Variants in PXYLP1 observed in about 807,000 individuals in gnomAD.
PXYLP1 encodes the protein 2-phosphoxylose phosphatase 1.
Under a neutral mutation model 37.9 loss-of-function variants are expected in PXYLP1, and 17 were observed. The ratio of observed to expected loss-of-function variants is 0.45; its 90% confidence interval spans 0.31 to 0.67. PXYLP1 has a LOEUF of 0.67. PXYLP1 is among the 30% of genes least tolerant of loss of function. The pLI, the probability that PXYLP1 is intolerant of heterozygous loss-of-function variation, is 0.07. For synonymous variants in PXYLP1, 221 were observed against 232.2 expected (o/e 0.95, Z 0.44); for missense variants, 511 against 612.0 (o/e 0.84, Z 1.74).
intron 1 of PXYLP1, among the ~76,000 whole-genome samples, chr3:141,243,047 A>G (rs1158617708): frequency 6.6e-6 from 1 of 152,214 alleles, no homozygotes; most frequent in Non-Finnish European, 1.5e-5. Flanking sequence ...GTGGTGGAGT[A>G]AAAGGCCTGG....
intron 2 of PXYLP1, among the ~76,000 whole-genome samples, chr3:141,264,590 C>A (rs1005800141): frequency 6.6e-6 from 1 of 152,182 alleles, no homozygotes; most frequent in Non-Finnish European, 1.5e-5. Flanking sequence ...CCAGGGAGCT[C>A]TTTGTCCAGT....
intron 5 of PXYLP1, among the ~76,000 whole-genome samples, chr3:141,289,925 T>C (rs1313968743): frequency 6.6e-6 from 1 of 152,182 alleles, no homozygotes; most frequent in Admixed American, 6.5e-5. Context: ...ATTCAGATCT[T>C]TCTTCTCAAT....
At chr3:141,280,777 TCTC>T (rs1230544267) in intron 4 of PXYLP1, among the ~76,000 whole-genome samples, 1 of 152,160 alleles carries the variant, frequency 6.6e-6, no homozygotes, top group Non-Finnish European at 1.5e-5. Flanking sequence ...AATGTTGTGA[TCTC>T]CTAAAAGGTG....
At chr3:141,284,347 C>T (rs1942023518) in intron 4 of PXYLP1, among the ~76,000 whole-genome samples, 1 of 151,540 alleles carries the variant, frequency 6.6e-6, no homozygotes, top group South Asian at 2.1e-4. Flanking sequence ...GTGAACCGGG[C>T]ATACACATGA....
At chr3:141,258,127 A>G (rs2148744548) in intron 1 of PXYLP1, among the ~76,000 whole-genome samples, 1 of 152,276 alleles carries the variant, frequency 6.6e-6, no homozygotes, top group South Asian at 2.1e-4. Context: ...ACGCAGGGCA[A>G]CCAGCAGGCA....
intron 2 of PXYLP1, among the ~76,000 whole-genome samples, chr3:141,268,056 A>G (rs1027995619): frequency 6.6e-6 from 1 of 152,198 alleles, no homozygotes; most frequent in Non-Finnish European, 1.5e-5. Context: ...AACGTGTACA[A>G]CAGTAAATAC....
intron 4 of PXYLP1, among the ~76,000 whole-genome samples, chr3:141,283,691 G>A (rs1942006802): frequency 1.3e-5 from 2 of 151,964 alleles, no homozygotes; most frequent in African/African-American, 4.8e-5. Context: ...AAAATCTAAT[G>A]TGATTCCAGT....
intron 1 of PXYLP1, among the ~76,000 whole-genome samples, chr3:141,242,374 A>G (rs574630346): frequency 6.6e-6 from 1 of 152,318 alleles, no homozygotes; most frequent in South Asian, 2.1e-4. Context: ...ATAAGGCAGG[A>G]CACCCTGGCC....
chr3:141,263,296 C>T (rs1941435027), intron 2 of PXYLP1, among the ~76,000 whole-genome samples: 1 of 152,174 alleles, frequency 6.6e-6, no homozygotes, highest in Non-Finnish European at 1.5e-5. Flanking sequence ...CACAGTTTCT[C>T]AAAATATGTT....
chr3:141,233,434 C>A (rs185829951), intron 1 of PXYLP1, among the ~76,000 whole-genome samples: 167 of 142,740 alleles, frequency 1.2e-3, no homozygotes, highest in Non-Finnish European at 2.0e-3. Context: ...CATTGCACTC[C>A]AGCTTGGGCA....
intron 1 of PXYLP1, among the ~76,000 whole-genome samples, chr3:141,254,246 T>C (rs1941208751): frequency 6.6e-6 from 1 of 152,194 alleles, no homozygotes; most frequent in Non-Finnish European, 1.5e-5. Flanking sequence ...TCCTAGGTCT[T>C]GTATCGTTTC....
At chr3:141,252,524 T>C (rs924680518) in intron 1 of PXYLP1, among the ~76,000 whole-genome samples, 4 of 151,918 alleles carry the variant, frequency 2.6e-5, no homozygotes, top group African/African-American at 9.7e-5. Flanking sequence ...TATAACCAGC[T>C]CTCACGTCAA....
chr3:141,294,248 G>A lies in PXYLP1; in HGVS notation c.*1043G>A, dbSNP rs16851325. 6.6e-6 allele frequency: 1 copy of A among 152,080 alleles called. No individual in the cohort carries two copies. Among genetic ancestry groups the A allele is most frequent in the Non-Finnish European group, 1.5e-5 (1 of 68,030 alleles). 9.4% of individuals were successfully genotyped at this position (152,080 alleles called of 1,614,324 possible). ...AATATTCAATTTGCTGTACCTGCTT[G>A]GTGGTTAGAAGGAGGCTAGAAGATG... is the stretch of plus-strand genomic sequence containing the variant. On this transcript the variant is annotated 3_prime_UTR_variant, in exon 6 of 6. Transcript: ENST00000286353.
chr3:141,235,714 G>A (rs1046995280), intron 1 of PXYLP1, among the ~76,000 whole-genome samples: 4 of 152,186 alleles, frequency 2.6e-5, no homozygotes, highest in Admixed American at 1.3e-4. Context: ...GGTAAACGAC[G>A]GCCCATTGGA....
At position 141,260,165 on chromosome 3, in the gene PXYLP1, A is replaced by C; in HGVS notation, c.-11A>C. 6.2e-7 allele frequency: 1 copy of C among 1,613,982 alleles called. No homozygotes were observed. The highest frequency in any genetic ancestry group is 8.5e-7 in the Non-Finnish European group (1 of 1,180,030). Reference sequence around the variant, plus strand: ...AGGTGAAACCATGAAGAGAAAATAGAATACTTAATAATGCTTTTCCGCAAC... The same window carrying C: ...AGGTGAAACCATGAAGAGAAAATAGCATACTTAATAATGCTTTTCCGCAAC... On this transcript the variant is annotated 5_prime_UTR_variant, in exon 2 of 6. Transcript: ENST00000286353.
Position 141,292,579 on chromosome 3 carries a change from A to G in PXYLP1, c.817A>G (p.Lys273Glu), listed in dbSNP as rs112504312. Residue 273 changes from lysine to glutamate, a missense_variant, in exon 6 of 6, where the codon AAG (lysine) becomes GAG (glutamate). By Grantham distance (56) the Lys-to-Glu change is moderately conservative. Coordinates refer to ENST00000286353, the MANE Select transcript of PXYLP1 (RefSeq NM_001037172.3). The surrounding 1 kb of genome is among the most constrained non-coding windows in gnomAD (Gnocchi z 4.3). ...LLRLKNSQLE[K>E]TYGEMAKIVD... ...ACGTTTGAAAAACAGCCAGCTGGAG[A>G]AGACCTACGGGGAGATGGCCAAGAT... 7 of 1,614,116 alleles carry G rather than the reference A, an allele frequency of 4.3e-6. No homozygotes were observed. The highest frequency in any genetic ancestry group is 1.7e-5 in the Admixed American group (1 of 60,022).
intron 1 of PXYLP1, among the ~76,000 whole-genome samples, chr3:141,248,023 GTT>G (rs55888415): frequency 7.3e-5 from 9 of 122,896 alleles, no homozygotes; most frequent in African/African-American, 2.2e-4. Flanking sequence ...TTTTTGTTTT[GTT>G]TTTTTTTTTT....
chr3:141,241,241 G>C (rs1345581317), intron 1 of PXYLP1, among the ~76,000 whole-genome samples: 1 of 152,186 alleles, frequency 6.6e-6, no homozygotes, highest in Admixed American at 6.5e-5. Context: ...TTCTTGTTTA[G>C]TTTGTCGTAG....
intron 1 of PXYLP1, among the ~76,000 whole-genome samples, chr3:141,245,748 C>T (rs1940920334): frequency 6.6e-6 from 1 of 152,194 alleles, no homozygotes; most frequent in Non-Finnish European, 1.5e-5. Flanking sequence ...CTCACGGGCT[C>T]ATCTCTTAGG....
Sources: gnomAD v4.1 joint callset for allele counts (sites outside exome capture counted in the v4.1 genomes callset) on GRCh38, gnomAD v4.1.1 for gene constraint, Gnocchi (gnomAD v3.1) non-coding constraint, MANE v1.5 for transcripts, NCBI Gene and HGNC (gene_info 2026-07-23, HGNC 2026-07-21) for gene names.